SPECC1: variants seen among roughly 807,000 people sequenced by gnomAD.
SPECC1 encodes cytospin-B.
A neutral mutation model predicts 104.1 loss-of-function variants in SPECC1; 62 were observed. The ratio of observed to expected loss-of-function variants is 0.60; its 90% CI spans 0.49 to 0.74. The LOEUF is 0.74. Among genes scored for constraint, SPECC1 ranks in the 30% least tolerant of loss-of-function variants. The pLI, the probability that SPECC1 is intolerant of heterozygous loss-of-function variation, is 0.00. For synonymous variants in SPECC1, 513 were observed against 501.6 expected (o/e 1.02, Z -0.30); for missense variants, 1,306 against 1,310.5 (o/e 1.00, Z 0.05).
intron 12 of SPECC1, among the ~76,000 whole-genome samples, chr17:20,262,121 CATT>C (rs1376978386): frequency 2.0e-5 from 3 of 152,208 alleles, no homozygotes; most frequent in Non-Finnish European, 4.4e-5. Context: ...GATTTATCCT[CATT>C]GTTGCATATA....
chr17:20,273,462 GTC>G (rs1422940169), intron 12 of SPECC1, among the ~76,000 whole-genome samples: 25 of 81,874 alleles, frequency 3.1e-4, no homozygotes, highest in African/African-American at 2.1e-3. Context: ...GCGAGACTCT[GTC>G]AAAAAAAAAA....
At chr17:20,253,483 G>T in intron 9 of SPECC1, 22 bp from the exon 10 acceptor site, 1 of 1,613,202 alleles carries the variant, frequency 6.2e-7, no homozygotes, top group South Asian at 1.1e-5. Context: ...TCACCGTGCT[G>T]GTGTCCCCCT....
intron 1 of SPECC1, among the ~76,000 whole-genome samples, chr17:20,060,790 C>G (rs1272913721): frequency 2.0e-5 from 3 of 152,182 alleles, no homozygotes; most frequent in Non-Finnish European, 4.4e-5. Flanking sequence ...CTCTGTCAAT[C>G]CTTCTGAACT....
chr17:20,268,546 T>G (rs2040291701), intron 12 of SPECC1, among the ~76,000 whole-genome samples: 1 of 152,242 alleles, frequency 6.6e-6, no homozygotes, highest in African/African-American at 2.4e-5. Flanking sequence ...GCCTTTGATT[T>G]ATTTACTGCC....
chr17:20,253,428 G>A (rs2039705197), intron 9 of SPECC1, 77 bp from the exon 10 acceptor site: 25 of 1,372,216 alleles, frequency 1.8e-5, no homozygotes, highest in East Asian at 2.3e-5. Context: ...ACACACGCAT[G>A]CACACACACA....
At chr17:20,202,721 AG>A (rs2036514676) in intron 3 of SPECC1, among the ~76,000 whole-genome samples, 2 of 152,176 alleles carry the variant, frequency 1.3e-5, no homozygotes, top group African/African-American at 4.8e-5. Flanking sequence ...GGTCAACAAT[AG>A]GCTATTAGTA....
intron 2 of SPECC1, among the ~76,000 whole-genome samples, chr17:20,097,793 G>A (rs1049782121): frequency 2.0e-5 from 3 of 152,210 alleles, no homozygotes; most frequent in Admixed American, 6.5e-5. Flanking sequence ...AATAAAAGGT[G>A]TTCCACCTGT....
At chr17:20,244,101 T>A (rs2039321283) in intron 7 of SPECC1, among the ~76,000 whole-genome samples, 1 of 151,390 alleles carries the variant, frequency 6.6e-6, no homozygotes, top group Admixed American at 6.6e-5. Context: ...GGTGCTTGCC[T>A]GTAGTCCCAG....
intron 3 of SPECC1, among the ~76,000 whole-genome samples, chr17:20,188,961 T>C (rs576138908): frequency 6.6e-6 from 1 of 152,340 alleles, no homozygotes; most frequent in Admixed American, 6.5e-5. Context: ...TATTATGTTT[T>C]CCTGGTAGAA....
At chr17:20,103,169 C>T (rs926588259) in intron 2 of SPECC1, among the ~76,000 whole-genome samples, 41 of 152,200 alleles carry the variant, frequency 2.7e-4, no homozygotes, top group African/African-American at 8.7e-4. Flanking sequence ...ATGGGGACCT[C>T]CTGGCTCCTG....
intron 1 of SPECC1, among the ~76,000 whole-genome samples, chr17:20,033,800 C>T (rs1010092469): frequency 6.6e-5 from 10 of 152,154 alleles, no homozygotes; most frequent in African/African-American, 9.7e-5. Flanking sequence ...ACATGAGACT[C>T]GGTGGGGCCA....
intron 3 of SPECC1, among the ~76,000 whole-genome samples, chr17:20,152,742 G>T (rs1480217507): frequency 2.0e-5 from 3 of 152,094 alleles, no homozygotes; most frequent in African/African-American, 7.2e-5. Context: ...TGCGATCTCG[G>T]CTCACTGCAA....
intron 3 of SPECC1, among the ~76,000 whole-genome samples, chr17:20,183,679 C>A (rs1216885544): frequency 6.6e-6 from 1 of 152,092 alleles, no homozygotes; most frequent in Admixed American, 6.5e-5. Flanking sequence ...CTACCTAATA[C>A]AATGTAAATG....
chr17:20,311,383 T>G (rs111337013), intron 14 of SPECC1, among the ~76,000 whole-genome samples: 17 of 150,934 alleles, frequency 1.1e-4, no homozygotes, highest in African/African-American at 3.2e-4. Flanking sequence ...ATTTTTTTTT[T>G]GTTTTTGTTT....
chr17:20,317,709 G>C lies in SPECC1; in HGVS notation c.*3644G>C, dbSNP rs2042057508. 1 of 212,740 alleles carries C rather than the reference G, an allele frequency of 4.7e-6. No individual in the cohort carries two copies. The highest frequency in any genetic ancestry group is 9.5e-6 in the Non-Finnish European group (1 of 105,260). The allele number at this position is 212,740 out of a possible 1,614,324, so 13.2% of individuals were successfully genotyped here. A position where few individuals can be genotyped will look rare whatever the true frequency, so the allele number is the denominator to read the frequency against. On this transcript the variant is annotated 3_prime_UTR_variant, in exon 15 of 15. Coordinates refer to ENST00000395527, the MANE Select transcript of SPECC1 (RefSeq NM_001243439.2). ...CCACTGCACTCTGGCCTGGGCCAAA[G>C]AGCAAGACCCTGTCACACACACACA...
chr17:20,208,536 A>G (rs1180177141), intron 4 of SPECC1, among the ~76,000 whole-genome samples: 2 of 152,196 alleles, frequency 1.3e-5, no homozygotes, highest in African/African-American at 4.8e-5. Context: ...AAAGGATAAC[A>G]GGAGAAGTTT....
At chr17:20,218,605 C>T (rs1264267640) in intron 4 of SPECC1, among the ~76,000 whole-genome samples, 8 of 152,054 alleles carry the variant, frequency 5.3e-5, no homozygotes, top group Non-Finnish European at 1.0e-4. Context: ...CCTTTCCCTC[C>T]GTCCCTTCCT....
chr17:20,097,100 G>A (rs1367211806), intron 2 of SPECC1, among the ~76,000 whole-genome samples: 1 of 152,182 alleles, frequency 6.6e-6, no homozygotes, highest in Non-Finnish European at 1.5e-5. Context: ...GATAGGGGTC[G>A]AGGTCATGCA....
intron 1 of SPECC1, among the ~76,000 whole-genome samples, chr17:20,059,009 T>G (rs1478302405): frequency 6.7e-6 from 1 of 149,726 alleles, no homozygotes; most frequent in Non-Finnish European, 1.5e-5. Context: ...CCGGCTAATT[T>G]TTTTTTGAAT....
Sources: gnomAD v4.1 joint callset for allele counts (sites outside exome capture counted in the v4.1 genomes callset) on GRCh38, gnomAD v4.1.1 for gene constraint, MANE v1.5 for transcripts, NCBI Gene and HGNC (gene_info 2026-07-23, HGNC 2026-07-21) for gene names.